Variants in CAMTA1 observed in about 807,000 individuals in gnomAD.
CAMTA1 encodes calmodulin binding transcription activator 1.
A neutral mutation model predicts 170.9 loss-of-function variants in CAMTA1; 27 were observed. The ratio of observed to expected loss-of-function variants is 0.16; its 90% CI spans 0.12 to 0.22. The LOEUF (loss-of-function observed/expected upper bound fraction) is 0.22, where lower values mean the gene tolerates loss of function less well. Ranked by LOEUF, CAMTA1 falls within the 10% of genes least tolerant of loss-of-function variation. CAMTA1 has a pLI of 1.00. For missense variants in CAMTA1, 1,619 were observed against 2,217.2 expected, an observed-to-expected ratio of 0.73 and a Z score of 5.42; for synonymous variants, 833 against 891.5, an observed-to-expected ratio of 0.93 and a Z score of 1.17.
At chr1:7,018,970 C>T (rs1700973042) in intron 3 of CAMTA1, among the ~76,000 whole-genome samples, 2 of 152,168 alleles carry the variant, frequency 1.3e-5, no homozygotes, top group Non-Finnish European at 2.9e-5. Flanking sequence ...CGAGGACACC[C>T]TCCTGGCTGC....
chr1:7,277,166 A>T (rs1670841778), intron 5 of CAMTA1, among the ~76,000 whole-genome samples: 1 of 152,254 alleles, frequency 6.6e-6, no homozygotes, highest in Non-Finnish European at 1.5e-5. Context: ...CTTCAATGCT[A>T]TCCCTGTCAA....
chr1:6,790,565 A>G (rs1216414639), intron 1 of CAMTA1, among the ~76,000 whole-genome samples: 1 of 152,144 alleles, frequency 6.6e-6, no homozygotes, highest in East Asian at 1.9e-4. Flanking sequence ...TTTTTTATAT[A>G]AGGAAGTGGT....
At chr1:7,295,667 C>T (rs982648172) in intron 5 of CAMTA1, among the ~76,000 whole-genome samples, 4 of 152,198 alleles carry the variant, frequency 2.6e-5, no homozygotes, top group African/African-American at 9.7e-5. Flanking sequence ...CGAGTACTTT[C>T]CATGGCATGG....
At chr1:7,478,397 T>A (rs1193186) in intron 6 of CAMTA1, among the ~76,000 whole-genome samples, 1 of 151,874 alleles carries the variant, frequency 6.6e-6, no homozygotes, top group African/African-American at 2.4e-5. Context: ...TCCCCGAGCC[T>A]CTCTGCTCCA....
chr1:6,991,904 G>A (rs1303190973), intron 3 of CAMTA1, among the ~76,000 whole-genome samples: 3 of 152,088 alleles, frequency 2.0e-5, no homozygotes, highest in Non-Finnish European at 2.9e-5. Flanking sequence ...GTTTTGCCAT[G>A]TTGGCCAGGT....
intron 6 of CAMTA1, among the ~76,000 whole-genome samples, chr1:7,531,064 G>T (rs965208012): frequency 5.9e-5 from 9 of 151,726 alleles, no homozygotes; most frequent in South Asian, 2.1e-4. Flanking sequence ...TGATCTGTAT[G>T]CCTCGGCCTC....
chr1:7,726,243 A>C (rs2096685298), intron 11 of CAMTA1, among the ~76,000 whole-genome samples: 1 of 151,468 alleles, frequency 6.6e-6, no homozygotes, highest in African/African-American at 2.4e-5. Context: ...GCCTTTTCCT[A>C]CTCTGCCCTG....
chr1:7,047,755 G>A (rs909288501), intron 3 of CAMTA1, among the ~76,000 whole-genome samples: 1 of 146,574 alleles, frequency 6.8e-6, no homozygotes, highest in African/African-American at 2.6e-5. Context: ...ACTAGGATTA[G>A]AGATTGAAGC....
At chr1:7,531,274 G>A (rs1359275179) in intron 6 of CAMTA1, among the ~76,000 whole-genome samples, 1 of 152,148 alleles carries the variant, frequency 6.6e-6, no homozygotes, top group African/African-American at 2.4e-5. Flanking sequence ...TTGTCACTGT[G>A]CCTCCACCGA....
intron 6 of CAMTA1, among the ~76,000 whole-genome samples, chr1:7,474,401 G>T (rs1321999778): frequency 6.6e-6 from 1 of 150,884 alleles, no homozygotes. Flanking sequence ...ACAGCAGCAT[G>T]GAATACAGAG....
intron 6 of CAMTA1, among the ~76,000 whole-genome samples, chr1:7,472,022 A>G (rs1342081052): frequency 6.6e-6 from 1 of 152,214 alleles, no homozygotes; most frequent in African/African-American, 2.4e-5. Context: ...AAAATGCTTA[A>G]TGACTGCTTT....
At chr1:7,142,029 C>G in intron 4 of CAMTA1, 2 of 504,528 alleles carry the variant, frequency 4.0e-6, no homozygotes, top group Non-Finnish European at 7.9e-6. Flanking sequence ...TCCCACCTCA[C>G]GCTAGCTTCC....
chr1:6,880,093 A>G (rs553667182), intron 3 of CAMTA1, among the ~76,000 whole-genome samples: 1 of 151,090 alleles, frequency 6.6e-6, no homozygotes, highest in East Asian at 1.9e-4. Context: ...TATTTTTTAT[A>G]TTTATCTTTA....
intron 5 of CAMTA1, among the ~76,000 whole-genome samples, chr1:7,285,047 G>A (rs1254238629): frequency 6.6e-6 from 1 of 152,196 alleles, no homozygotes; most frequent in East Asian, 1.9e-4. Context: ...GGCCTCTGGT[G>A]GCTGGCCCTC....
chr1:7,415,116 C>G (rs2091069321), intron 5 of CAMTA1, among the ~76,000 whole-genome samples: 2 of 152,044 alleles, frequency 1.3e-5, no homozygotes, highest in Non-Finnish European at 1.5e-5. Context: ...GCACTGTGGT[C>G]TGAGAGACAG....
chr1:7,361,319 G>A (rs965498958), intron 5 of CAMTA1, among the ~76,000 whole-genome samples: 4 of 152,166 alleles, frequency 2.6e-5, no homozygotes, highest in Admixed American at 6.5e-5. Context: ...TGGTCAATGC[G>A]AACAGGACAG....
At chr1:6,827,955 T>TGGAAGAGGC (rs1647760013) in intron 3 of CAMTA1, among the ~76,000 whole-genome samples, 1 of 152,334 alleles carries the variant, frequency 6.6e-6, no homozygotes, top group South Asian at 2.1e-4. Context: ...GGGCTCACAC[T>TGGAAGAGGC]GGAAGAGGCG....
At chr1:7,150,298 G>A (rs528003361) in intron 4 of CAMTA1, among the ~76,000 whole-genome samples, 1 of 152,224 alleles carries the variant, frequency 6.6e-6, no homozygotes, top group African/African-American at 2.4e-5. Context: ...ACCTGACTGG[G>A]TGTGATTAAG....
chr1:7,291,153 G>A lies in CAMTA1; in HGVS notation c.438+41527G>A, dbSNP rs1490500949. On this transcript the variant is annotated intron_variant, in intron 5 of 22. Coordinates refer to ENST00000303635, the MANE Select transcript of CAMTA1 (RefSeq NM_015215.4). Reference sequence around the variant, plus strand: ...GTTCCTTGCAGTGCACCTACTGAAAGCCTAGAAGGACCTTCACTCCATGAC... The same window carrying A: ...GTTCCTTGCAGTGCACCTACTGAAAACCTAGAAGGACCTTCACTCCATGAC... Among the ~76,000 whole-genome samples, 4 of 152,298 alleles carry A rather than the reference G, an allele frequency of 2.6e-5. No homozygotes were observed. The East Asian group carries it at 5.8e-4, about 22-fold the overall frequency.
Sources: gnomAD v4.1 joint callset for allele counts (sites outside exome capture counted in the v4.1 genomes callset) on GRCh38, gnomAD v4.1.1 for gene constraint, MANE v1.5 for transcripts, NCBI Gene and HGNC (gene_info 2026-07-23, HGNC 2026-07-21) for gene names.